ZNF804B: variants seen among roughly 807,000 people sequenced by gnomAD.
ZNF804B encodes the protein zinc finger 804B.
In ZNF804B, 80 loss-of-function variants were observed where a neutral mutation model predicts 101.4. The observed-to-expected ratio is 0.79, with a 90% CI of 0.66 to 0.95. The LOEUF (loss-of-function observed/expected upper bound fraction) is 0.95. Ranked by LOEUF, ZNF804B falls within the 40% of genes least tolerant of loss-of-function variation. ZNF804B has a pLI of 0.00. For synonymous variants in ZNF804B, 622 were observed against 558.8 expected, an observed-to-expected ratio of 1.11 and a Z score of -1.59; for missense variants, 1,673 against 1,561.9, an observed-to-expected ratio of 1.07 and a Z score of -1.20.
chr7:88,784,586 A>C (rs1238505799), intron 1 of ZNF804B, among the ~76,000 whole-genome samples: 2 of 152,030 alleles, frequency 1.3e-5, no homozygotes, highest in East Asian at 3.9e-4. Flanking sequence ...CCTAAAAGTG[A>C]CCTTTATATT....
intron 1 of ZNF804B, among the ~76,000 whole-genome samples, chr7:88,888,085 G>A (rs73200692): frequency 0.19 from 28,288 of 151,988 alleles, 2,828 homozygotes; most frequent in African/African-American, 0.28. Flanking sequence ...ATGCCCAAAT[G>A]ATAATTTTAA....
intron 1 of ZNF804B, among the ~76,000 whole-genome samples, chr7:89,171,343 C>CTTCTTCTTCTTCTTCTTCTTT (rs1791227572): frequency 2.3e-5 from 3 of 132,376 alleles, no homozygotes; most frequent in African/African-American, 8.5e-5. Context: ...TCTTCTTCTT[C>CTTCTTCTTCTTCTTCTTCTTT]TTCTTCTTCT....
chr7:89,029,501 A>T (rs1788800666), intron 1 of ZNF804B, among the ~76,000 whole-genome samples: 1 of 152,196 alleles, frequency 6.6e-6, no homozygotes, highest in Admixed American at 6.6e-5. Context: ...CTAAGTTTCT[A>T]GCTGGGAAAT....
At chr7:88,882,429 G>A (rs556945232) in intron 1 of ZNF804B, among the ~76,000 whole-genome samples, 3 of 152,162 alleles carry the variant, frequency 2.0e-5, no homozygotes, top group African/African-American at 7.2e-5. Flanking sequence ...TGGTGGGAAT[G>A]TAAATTAGTT....
chr7:88,966,539 C>T, intron 1 of ZNF804B, among the ~76,000 whole-genome samples: 1 of 151,504 alleles, frequency 6.6e-6, no homozygotes. Flanking sequence ...AGTGACGGCT[C>T]AGCCTTTATG....
chr7:89,091,938 A>T (rs4382404), intron 1 of ZNF804B, among the ~76,000 whole-genome samples: 1 of 152,000 alleles, frequency 6.6e-6, no homozygotes, highest in Middle Eastern at 3.4e-3. Flanking sequence ...TATTCTTTAT[A>T]TTTACTTATA....
intron 1 of ZNF804B, among the ~76,000 whole-genome samples, chr7:88,808,243 A>T (rs1052186635): frequency 7.2e-5 from 11 of 152,020 alleles, no homozygotes; most frequent in African/African-American, 2.7e-4. Context: ...TTAGCCAGGC[A>T]TGGTGGCATG....
chr7:88,861,114 A>G (rs1562815093), intron 1 of ZNF804B, among the ~76,000 whole-genome samples: 1 of 152,144 alleles, frequency 6.6e-6, no homozygotes, highest in Non-Finnish European at 1.5e-5. Context: ...AGAGTGTTCC[A>G]GATATATTTT....
At chr7:89,008,393 T>C (rs1788401556) in intron 1 of ZNF804B, among the ~76,000 whole-genome samples, 1 of 152,178 alleles carries the variant, frequency 6.6e-6, no homozygotes, top group South Asian at 2.1e-4. Context: ...AGAATTTCAT[T>C]GATGAGCCTT....
intron 2 of ZNF804B, among the ~76,000 whole-genome samples, chr7:89,301,845 G>A (rs1790479409): frequency 6.6e-6 from 1 of 151,856 alleles, no homozygotes; most frequent in Non-Finnish European, 1.5e-5. Flanking sequence ...GAAGATGAGA[G>A]TATCTACTTT....
intron 1 of ZNF804B, among the ~76,000 whole-genome samples, chr7:89,079,425 T>C (rs1044650804): frequency 6.6e-6 from 1 of 152,068 alleles, no homozygotes; most frequent in Admixed American, 6.6e-5. Context: ...AAGACCTGAT[T>C]TGAATACAGA....
chr7:89,066,683 G>A (rs1789459892), intron 1 of ZNF804B, among the ~76,000 whole-genome samples: 1 of 152,044 alleles, frequency 6.6e-6, no homozygotes, highest in South Asian at 2.1e-4. Context: ...GCCAAAAATT[G>A]TATAGAAAAA....
At position 88,858,855 on chromosome 7, in the gene ZNF804B, A is replaced by G. The variant is rs1003479383; in HGVS notation, c.108+98771A>G. 5.3e-5 allele frequency among the ~76,000 whole-genome samples: 8 copies of G among 152,214 alleles called. No individual in the cohort carries two copies. The South Asian group carries it at 1.0e-3, about 20-fold the overall frequency. On this transcript the variant is annotated intron_variant, in intron 1 of 3. Coordinates refer to ENST00000333190, the MANE Select transcript of ZNF804B (RefSeq NM_181646.5). ...GGCAACAACTGTGAACTTGATGCCA[A>G]TATTTTCTGACTTTTTGTTTTTCTG...
intron 1 of ZNF804B, among the ~76,000 whole-genome samples, chr7:88,887,940 A>G (rs1405893986): frequency 6.6e-6 from 1 of 152,150 alleles, no homozygotes; most frequent in East Asian, 1.9e-4. Flanking sequence ...GAGAATTGCT[A>G]TTTCAAAAAT....
At chr7:88,850,002 C>CT (rs1791429812) in intron 1 of ZNF804B, among the ~76,000 whole-genome samples, 1 of 151,994 alleles carries the variant, frequency 6.6e-6, no homozygotes, top group Admixed American at 6.6e-5. Context: ...CATGAAAAGA[C>CT]TTTTTTCCAC....
At chr7:89,074,866 G>A (rs546560912) in intron 1 of ZNF804B, among the ~76,000 whole-genome samples, 4 of 152,254 alleles carry the variant, frequency 2.6e-5, no homozygotes, top group African/African-American at 9.6e-5. Context: ...AGGCTGAGGT[G>A]GTCTCAGATG....
At chr7:89,120,390 G>A (rs553863831) in intron 1 of ZNF804B, among the ~76,000 whole-genome samples, 20 of 152,178 alleles carry the variant, frequency 1.3e-4, no homozygotes, top group Admixed American at 9.2e-4. Context: ...GGGTGCGGTG[G>A]CTCACGCGTG....
At chr7:89,030,001 T>TAACTAAATA (rs1788805459) in intron 1 of ZNF804B, among the ~76,000 whole-genome samples, 1 of 152,186 alleles carries the variant, frequency 6.6e-6, no homozygotes, top group Non-Finnish European at 1.5e-5. Flanking sequence ...AGGGTTGTGG[T>TAACTAAATA]TACGTTACCA....
At chr7:89,300,040 C>T (rs942175974) in intron 2 of ZNF804B, among the ~76,000 whole-genome samples, 2 of 151,556 alleles carry the variant, frequency 1.3e-5, no homozygotes, top group African/African-American at 4.8e-5. Flanking sequence ...TTTAGATCAG[C>T]ACATCACCAT....
Sources: allele counts gnomAD v4.1 joint callset (sites outside exome capture counted in the v4.1 genomes callset), GRCh38; gene constraint gnomAD v4.1.1; transcripts MANE v1.5; gene names NCBI Gene and HGNC (gene_info 2026-07-23, HGNC 2026-07-21).